PRKCB: variants seen among roughly 807,000 people sequenced by gnomAD.
The protein encoded by PRKCB is protein kinase C beta type.
In PRKCB, 13 loss-of-function variants were observed where a neutral mutation model predicts 81.5. That is an observed-to-expected ratio of 0.16 (90% confidence interval 0.10 to 0.25). PRKCB has a LOEUF of 0.25. Among genes scored for constraint, PRKCB ranks in the 10% least tolerant of loss-of-function variants. PRKCB has a pLI of 1.00. For synonymous variants in PRKCB, 335 were observed against 321.4 expected (o/e 1.04, Z -0.45); for missense variants, 509 against 875.7 (o/e 0.58, Z 5.29).
intron 2 of PRKCB, among the ~76,000 whole-genome samples, chr16:23,873,189 C>CAA (rs1044352544): frequency 1.8e-4 from 12 of 67,912 alleles, no homozygotes; most frequent in Non-Finnish European, 2.9e-4. Flanking sequence ...CACACACACA[C>CAA]AAAAAAAAAA....
intron 3 of PRKCB, among the ~76,000 whole-genome samples, chr16:23,992,780 TGCTCTAAAAGC>T (rs1964903989): frequency 6.6e-6 from 1 of 152,220 alleles, no homozygotes; most frequent in Admixed American, 6.5e-5. Flanking sequence ...ACAGGGTGTC[TGCTCTAAAAGC>T]AAGGGCAAGG....
At chr16:23,884,122 A>G (rs62028075) in intron 2 of PRKCB, among the ~76,000 whole-genome samples, 4,573 of 152,348 alleles carry the variant, frequency 0.03, 106 homozygotes, top group South Asian at 0.065. Flanking sequence ...ACATATGGCT[A>G]GTGGTTACCA....
In PRKCB at chr16:23,998,986, C is replaced by T. The variant is rs115107377; in HGVS notation, c.288+10396C>T. ...AGCATGCATAGGATTTGGCAGCCTA[C>T]CTGAAATGATTCTATCTCTGGATAC... On this transcript the variant is annotated intron_variant, in intron 3 of 16. Transcript: ENST00000643927. 5.1e-3 allele frequency among the ~76,000 whole-genome samples: 772 copies of T among 152,302 alleles called. 8 individuals carry two copies. The highest frequency in any genetic ancestry group is 0.018 in the African/African-American group (734 of 41,556).
rs1160842975 is a variant in PRKCB, at chr16:24,049,047, G to GTTTT, written c.529+13527_529+13530dup. 5.4e-3 allele frequency among the ~76,000 whole-genome samples: 268 copies of GTTTT among 49,704 alleles called. 62 individuals are homozygous for GTTTT. The highest frequency in any genetic ancestry group is 0.013 in the African/African-American group (165 of 12,430). The allele number at this position is 49,704 out of a possible 152,430, so 32.6% of individuals were successfully genotyped here. A position where few individuals can be genotyped will look rare whatever the true frequency, so the allele number is the denominator to read the frequency against. ...TGATAACATTTCTTCAAATTGGCCT[G>GTTTT]TTTTTTTTTTTTTTTTTTTTTTTTT... On this transcript the variant is annotated intron_variant, in intron 5 of 16. Transcript: ENST00000643927.
chr16:24,002,328 CGT>C (rs1007221272), intron 3 of PRKCB, among the ~76,000 whole-genome samples: 8 of 54,634 alleles, frequency 1.5e-4, no homozygotes, highest in African/African-American at 3.5e-4. Context: ...TGTGTGCGTG[CGT>C]GTGTGTGTGT....
chr16:24,076,322 T>C (rs973193336), intron 5 of PRKCB, among the ~76,000 whole-genome samples: 3 of 152,180 alleles, frequency 2.0e-5, no homozygotes, highest in Non-Finnish European at 4.4e-5. Flanking sequence ...TTTTGGCTTT[T>C]CTGGTTAAAA....
chr16:23,886,408 T>G (rs1013820496), intron 2 of PRKCB, among the ~76,000 whole-genome samples: 2 of 19,562 alleles, frequency 1.0e-4, no homozygotes, highest in East Asian at 1.3e-3. Context: ...TGTTAGGTGT[T>G]TTTTTTTTTT....
intron 7 of PRKCB, among the ~76,000 whole-genome samples, chr16:24,101,782 T>C (rs1461590081): frequency 7.9e-5 from 12 of 152,240 alleles, no homozygotes; most frequent in Non-Finnish European, 1.8e-4. Context: ...CTTCCTGGGC[T>C]AGTGCCTGCC....
At chr16:24,093,891 T>C (rs1163656383) in intron 6 of PRKCB, among the ~76,000 whole-genome samples, 3 of 152,244 alleles carry the variant, frequency 2.0e-5, no homozygotes, top group African/African-American at 7.2e-5. Flanking sequence ...CTGAATATCC[T>C]GAACCCTATT....
intron 10 of PRKCB, among the ~76,000 whole-genome samples, chr16:24,164,854 A>G (rs1341363514): frequency 6.6e-6 from 1 of 152,174 alleles, no homozygotes; most frequent in African/African-American, 2.4e-5. Flanking sequence ...GAGTGTGGTG[A>G]TAAGGAAGAT....
At chr16:23,997,838 A>T (rs1339853841) in intron 3 of PRKCB, among the ~76,000 whole-genome samples, 1 of 152,120 alleles carries the variant, frequency 6.6e-6, no homozygotes, top group African/African-American at 2.4e-5. Context: ...GTTATTCTTT[A>T]TTTGGAGGTT....
intron 3 of PRKCB, among the ~76,000 whole-genome samples, chr16:24,011,464 C>A (rs1295149193): frequency 6.6e-6 from 1 of 152,110 alleles, no homozygotes; most frequent in Non-Finnish European, 1.5e-5. Flanking sequence ...GGGCTCCAAT[C>A]TTGGCTCTGG....
chr16:24,151,566 C>T, intron 9 of PRKCB: 2 of 292,280 alleles, frequency 6.8e-6, no homozygotes, highest in Admixed American at 4.1e-5. Flanking sequence ...GAGGTAGTGG[C>T]CGATTTGGTC....
At chr16:24,119,413 CGTGCTCACGTTTCATGGGGA>C (rs1434840861) in intron 8 of PRKCB, among the ~76,000 whole-genome samples, 3 of 152,116 alleles carry the variant, frequency 2.0e-5, no homozygotes, top group African/African-American at 7.2e-5. Flanking sequence ...GTTTGAGGTC[CGTGCTCACGTTTCATGGGGA>C]GTGTGTGCTG....
intron 16 of PRKCB, chr16:24,191,450 T>C (rs572975562): frequency 9.6e-5 from 45 of 469,314 alleles, no homozygotes; most frequent in African/African-American, 7.7e-4. Flanking sequence ...ACGATGCCTA[T>C]TGAATTTTTG....
intron 1 of PRKCB, among the ~76,000 whole-genome samples, chr16:23,836,768 C>CGGTG (rs144833389): frequency 1.4e-5 from 2 of 141,910 alleles, no homozygotes; most frequent in Non-Finnish European, 1.6e-5. Context: ...CCCTTGTTTC[C>CGGTG]GGGGGGGGCG....
chr16:24,134,635 G>T (rs1966859113), intron 9 of PRKCB, among the ~76,000 whole-genome samples: 1 of 152,132 alleles, frequency 6.6e-6, no homozygotes, highest in Non-Finnish European at 1.5e-5. Context: ...TGTAATCCCA[G>T]CTACTCAAGA....
chr16:24,198,423 C>CA (rs1272922226), intron 16 of PRKCB, among the ~76,000 whole-genome samples: 2 of 152,198 alleles, frequency 1.3e-5, no homozygotes, highest in African/African-American at 4.8e-5. Context: ...GAAGACAACC[C>CA]AGGTAGCAGC....
chr16:24,143,618 G>T (rs1966940296), intron 9 of PRKCB, among the ~76,000 whole-genome samples: 1 of 152,078 alleles, frequency 6.6e-6, no homozygotes. Flanking sequence ...ATATACACAT[G>T]AGCTGTAACT....
Sources: gnomAD v4.1 joint callset for allele counts (sites outside exome capture counted in the v4.1 genomes callset) on GRCh38, gnomAD v4.1.1 for gene constraint, MANE v1.5 for transcripts, NCBI Gene and HGNC (gene_info 2026-07-23, HGNC 2026-07-21) for gene names.